FHIT: variants seen among roughly 807,000 people sequenced by gnomAD.
FHIT encodes the protein bis(5'-adenosyl)-triphosphatase.
FHIT carries 19 observed loss-of-function variants against 17.9 expected under a neutral mutation model. The observed-to-expected ratio is 1.06, with a 90% CI of 0.74 to 1.56. FHIT has a LOEUF of 1.56. FHIT is among the 40% of genes most tolerant of loss of function. The pLI, the probability that FHIT is intolerant of heterozygous loss-of-function variation, is 0.00. For synonymous variants in FHIT, 81 were observed against 69.7 expected (o/e 1.16, Z -0.81); for missense variants, 248 against 189.2 (o/e 1.31, Z -1.82).
intron 2 of FHIT, among the ~76,000 whole-genome samples, chr3:61,157,259 A>G (rs146146084): frequency 2.7e-4 from 41 of 152,200 alleles, no homozygotes; most frequent in African/African-American, 9.2e-4. Context: ...TATTTTTTTC[A>G]TGGTGGATGA....
chr3:60,839,167 C>T (rs1271902709), intron 3 of FHIT, among the ~76,000 whole-genome samples: 5 of 152,026 alleles, frequency 3.3e-5, no homozygotes, highest in South Asian at 2.1e-4. Flanking sequence ...ACCGAACAGA[C>T]GAAAATGGTG....
intron 5 of FHIT, among the ~76,000 whole-genome samples, chr3:60,114,038 T>A (rs7641930): frequency 4.6e-3 from 43 of 9,302 alleles, no homozygotes; most frequent in Non-Finnish European, 6.5e-3. Context: ...AAAAAAAAAA[T>A]ATATATATAT....
chr3:59,805,144 T>C (rs193260616), intron 8 of FHIT, among the ~76,000 whole-genome samples: 4 of 152,290 alleles, frequency 2.6e-5, no homozygotes, highest in Admixed American at 2.6e-4. Flanking sequence ...AAGTGTCCCT[T>C]TCCGGCGTGT....
chr3:61,189,552 A>G (rs2038643945), intron 2 of FHIT, among the ~76,000 whole-genome samples: 1 of 151,662 alleles, frequency 6.6e-6, no homozygotes, highest in African/African-American at 2.4e-5. Context: ...CAAGCTACCA[A>G]TGACTTTCTT....
intron 1 of FHIT, among the ~76,000 whole-genome samples, chr3:61,241,861 A>C (rs1438313602): frequency 6.6e-6 from 1 of 152,174 alleles, no homozygotes; most frequent in African/African-American, 2.4e-5. Flanking sequence ...AAACACTGGC[A>C]TACAAACAAA....
chr3:60,718,971 T>C (rs1175011235), intron 4 of FHIT, among the ~76,000 whole-genome samples: 4 of 152,162 alleles, frequency 2.6e-5, no homozygotes, highest in Admixed American at 2.0e-4. Context: ...GAAATATTGA[T>C]ACAGACAGGT....
At chr3:60,106,069 C>T (rs1055687596) in intron 5 of FHIT, among the ~76,000 whole-genome samples, 15 of 152,272 alleles carry the variant, frequency 9.9e-5, no homozygotes, top group African/African-American at 2.6e-4. Flanking sequence ...TCTTCTGGAG[C>T]GGGAATCTTT....
At position 59,764,270 on chromosome 3, in the gene FHIT, T is replaced by C. The variant is rs374686691; in HGVS notation, c.349-11949A>G. ...CAGACTTCTTTCTGAATGCATACCA[T>C]ATGTTTGGCAGAGCTAAAAGAGCTA... On this transcript the variant is annotated intron_variant, in intron 8 of 9. Transcript: ENST00000492590. Among the ~76,000 whole-genome samples the C allele has an allele frequency of 1.7e-3, 252 of 152,250 alleles. 3 individuals are homozygous for C. Among genetic ancestry groups the C allele is most frequent in the African/African-American group, 5.7e-3 (235 of 41,544 alleles).
At chr3:60,252,795 C>A (rs544409662) in intron 5 of FHIT, among the ~76,000 whole-genome samples, 28 of 151,872 alleles carry the variant, frequency 1.8e-4, no homozygotes, top group Admixed American at 1.6e-3. Context: ...TCGAGACCAT[C>A]CTGGCTAACA....
chr3:60,684,969 G>A (rs1249334547), intron 4 of FHIT, among the ~76,000 whole-genome samples: 1 of 152,150 alleles, frequency 6.6e-6, no homozygotes, highest in Non-Finnish European at 1.5e-5. Context: ...CTTAGAAACA[G>A]GAGATAACTT....
intron 8 of FHIT, among the ~76,000 whole-genome samples, chr3:59,796,848 T>C (rs1426259430): frequency 6.6e-6 from 1 of 152,200 alleles, no homozygotes; most frequent in Non-Finnish European, 1.5e-5. Context: ...ACATATTTGC[T>C]ATCTGTGCCA....
At chr3:60,490,289 ATC>A (rs1331008620) in intron 5 of FHIT, among the ~76,000 whole-genome samples, 1 of 152,122 alleles carries the variant, frequency 6.6e-6, no homozygotes, top group Non-Finnish European at 1.5e-5. Context: ...TACATTAGAC[ATC>A]GTTACTGCTT....
intron 5 of FHIT, among the ~76,000 whole-genome samples, chr3:60,327,795 C>T (rs940804378): frequency 6.6e-6 from 1 of 151,980 alleles, no homozygotes; most frequent in Non-Finnish European, 1.5e-5. Context: ...ATATTAGGGT[C>T]CCAGTGGGAA....
chr3:59,897,842 C>G (rs1704141041), intron 8 of FHIT, among the ~76,000 whole-genome samples: 1 of 151,808 alleles, frequency 6.6e-6, no homozygotes, highest in Non-Finnish European at 1.5e-5. Flanking sequence ...TCTCGGCTCA[C>G]TGCAAGCTCC....
chr3:60,174,502 GA>G (rs374868255), intron 5 of FHIT, among the ~76,000 whole-genome samples: 3 of 151,870 alleles, frequency 2.0e-5, no homozygotes, highest in Non-Finnish European at 4.4e-5. Context: ...TTTCTAACTG[GA>G]AAAAAAGTCT....
chr3:60,571,333 C>T (rs1465733860), intron 4 of FHIT, among the ~76,000 whole-genome samples: 15 of 8,576 alleles, frequency 1.7e-3, no homozygotes, highest in African/African-American at 4.0e-3. Flanking sequence ...AAGACTCCAT[C>T]GCAAAAAAAA....
intron 5 of FHIT, among the ~76,000 whole-genome samples, chr3:60,085,389 T>C (rs2107065132): frequency 6.6e-6 from 1 of 152,266 alleles, no homozygotes; most frequent in South Asian, 2.1e-4. Context: ...ACACTTACAT[T>C]ATATCTTCCC....
chr3:60,660,501 T>C (rs2040214687), intron 4 of FHIT, among the ~76,000 whole-genome samples: 1 of 152,056 alleles, frequency 6.6e-6, no homozygotes, highest in Non-Finnish European at 1.5e-5. Flanking sequence ...AAGCCTTCAA[T>C]AGACTCTAGA....
intron 5 of FHIT, among the ~76,000 whole-genome samples, chr3:60,162,092 A>G (rs1230409810): frequency 1.3e-5 from 2 of 152,172 alleles, no homozygotes; most frequent in Non-Finnish European, 2.9e-5. Flanking sequence ...AGAAATTTCA[A>G]AAGTCCAGCT....
Sources: gnomAD v4.1 joint callset for allele counts (sites outside exome capture counted in the v4.1 genomes callset) on GRCh38, gnomAD v4.1.1 for gene constraint, MANE v1.5 for transcripts, NCBI Gene and HGNC (gene_info 2026-07-23, HGNC 2026-07-21) for gene names.